Variants in DPYD observed in about 807,000 individuals in gnomAD.
DPYD encodes dihydropyrimidine dehydrogenase [NADP(+)].
A neutral mutation model predicts 116.2 loss-of-function variants in DPYD; 109 were observed. That is an observed-to-expected ratio of 0.94 (90% CI 0.80 to 1.10). The LOEUF (loss-of-function observed/expected upper bound fraction) is 1.10. Ranked by LOEUF, DPYD falls within the 50% of genes least tolerant of loss-of-function variation. The pLI is 0.00. For missense variants in DPYD, 1,302 were observed against 1,254.5 expected (o/e 1.04, Z -0.57); for synonymous variants, 440 against 432.0 (o/e 1.02, Z -0.23).
At chr1:97,510,388 G>A (rs138829351) in intron 13 of DPYD, among the ~76,000 whole-genome samples, 19 of 151,994 alleles carry the variant, frequency 1.3e-4, no homozygotes, top group East Asian at 5.8e-4. Context: ...TGACTGTATC[G>A]TTTTGTGTTG....
chr1:97,386,554 C>A (rs575449185), intron 14 of DPYD, among the ~76,000 whole-genome samples: 25 of 152,178 alleles, frequency 1.6e-4, no homozygotes, highest in African/African-American at 5.8e-4. Flanking sequence ...TTTTTACATT[C>A]TTGTTTCTAT....
chr1:97,843,367 G>A (rs1230681072), intron 2 of DPYD, among the ~76,000 whole-genome samples: 1 of 152,058 alleles, frequency 6.6e-6, no homozygotes. Context: ...TAGTAGAAGA[G>A]GCTATTTTAC....
chr1:97,809,783 A>G (rs1557978292), intron 3 of DPYD, among the ~76,000 whole-genome samples: 1 of 152,132 alleles, frequency 6.6e-6, no homozygotes, highest in Non-Finnish European at 1.5e-5. Flanking sequence ...GAAGGAATAG[A>G]GGCCAGCTAC....
At chr1:97,240,576 G>A (rs1662266654) in intron 18 of DPYD, among the ~76,000 whole-genome samples, 2 of 151,944 alleles carry the variant, frequency 1.3e-5, no homozygotes, top group Admixed American at 6.6e-5. Context: ...ATACTCATTC[G>A]TGCTCACTGT....
intron 20 of DPYD, among the ~76,000 whole-genome samples, chr1:97,127,673 C>T (rs1223209851): frequency 6.6e-6 from 1 of 152,082 alleles, no homozygotes; most frequent in Non-Finnish European, 1.5e-5. Flanking sequence ...CTGCAGTAGT[C>T]CCCTACTGGC....
intron 5 of DPYD, among the ~76,000 whole-genome samples, chr1:97,710,873 C>T (rs771526933): frequency 1.3e-5 from 2 of 151,620 alleles, no homozygotes; most frequent in Non-Finnish European, 3.0e-5. Context: ...AGAAGGTAAA[C>T]CCACCTGAAA....
intron 6 of DPYD, among the ~76,000 whole-genome samples, chr1:97,696,493 A>G (rs1329916196): frequency 6.6e-6 from 1 of 152,160 alleles, no homozygotes; most frequent in Non-Finnish European, 1.5e-5. Flanking sequence ...ATGGTGAGAA[A>G]GGAGATAAAA....
intron 18 of DPYD, among the ~76,000 whole-genome samples, chr1:97,257,083 A>G (rs1019959270): frequency 1.3e-5 from 2 of 152,112 alleles, no homozygotes; most frequent in Admixed American, 1.3e-4. Flanking sequence ...CTTTTAACAT[A>G]CCACAATGGA....
At chr1:97,313,611 T>C (rs1361179817) in intron 16 of DPYD, among the ~76,000 whole-genome samples, 2 of 151,590 alleles carry the variant, frequency 1.3e-5, no homozygotes, top group African/African-American at 2.4e-5. Context: ...TCTATTCTGT[T>C]TCTCATTTCA....
intron 18 of DPYD, among the ~76,000 whole-genome samples, chr1:97,270,286 G>C (rs1451601866): frequency 6.6e-6 from 1 of 152,136 alleles, no homozygotes; most frequent in Non-Finnish European, 1.5e-5. Flanking sequence ...CGGTTGAGAG[G>C]CATCATAATA....
chr1:97,462,025 G>A (rs1036042567), intron 13 of DPYD, among the ~76,000 whole-genome samples: 2 of 152,164 alleles, frequency 1.3e-5, no homozygotes, highest in Admixed American at 6.5e-5. Context: ...TTTCATAGGA[G>A]ACAATCATGT....
chr1:97,384,139 T>C (rs2101573055), intron 14 of DPYD, among the ~76,000 whole-genome samples: 1 of 151,706 alleles, frequency 6.6e-6, no homozygotes, highest in East Asian at 1.9e-4. Flanking sequence ...ACTAAGAGAT[T>C]GAGACACAAA....
At chr1:97,752,265 T>A (rs1371026314) in intron 3 of DPYD, among the ~76,000 whole-genome samples, 2 of 150,228 alleles carry the variant, frequency 1.3e-5, no homozygotes. Context: ...TTCTCCCTTT[T>A]ACAAAAATAA....
chr1:97,335,343 C>G (rs1020864969), intron 16 of DPYD, among the ~76,000 whole-genome samples: 1 of 147,922 alleles, frequency 6.8e-6, no homozygotes, highest in African/African-American at 2.5e-5. Context: ...CACACACACA[C>G]ACGATGCCTG....
At chr1:97,840,895 C>G (rs1320642620) in intron 2 of DPYD, among the ~76,000 whole-genome samples, 1 of 152,028 alleles carries the variant, frequency 6.6e-6, no homozygotes, top group East Asian at 1.9e-4. Context: ...CCATTTTAAT[C>G]AAATGGGCAT....
At chr1:97,297,132 T>C (rs539065304) in intron 18 of DPYD, among the ~76,000 whole-genome samples, 2 of 152,286 alleles carry the variant, frequency 1.3e-5, no homozygotes, top group East Asian at 1.9e-4. Context: ...GTACTGTATA[T>C]AAAAATCTTC....
At chr1:97,255,909 G>A (rs1371387879) in intron 18 of DPYD, among the ~76,000 whole-genome samples, 2 of 152,038 alleles carry the variant, frequency 1.3e-5, no homozygotes, top group Non-Finnish European at 1.5e-5. Context: ...GGCTTGAGAA[G>A]TCAAGTTCAT....
intron 8 of DPYD, among the ~76,000 whole-genome samples, chr1:97,610,982 T>C (rs937317128): frequency 2.0e-5 from 3 of 149,676 alleles, no homozygotes; most frequent in Non-Finnish European, 1.5e-5. Context: ...TGTGTGTATA[T>C]ATATATGTGT....
intron 13 of DPYD, among the ~76,000 whole-genome samples, chr1:97,508,909 TC>T: frequency 6.6e-6 from 1 of 151,984 alleles, no homozygotes; most frequent in East Asian, 1.9e-4. Context: ...TTGCAACTTC[TC>T]CTCCTGCCTT....
Sources: gnomAD v4.1 joint callset for allele counts (sites outside exome capture counted in the v4.1 genomes callset) on GRCh38, gnomAD v4.1.1 for gene constraint, MANE v1.5 for transcripts, NCBI Gene and HGNC (gene_info 2026-07-23, HGNC 2026-07-21) for gene names.